Variants in SYT9 observed in about 807,000 individuals in gnomAD.
SYT9 encodes the protein synaptotagmin 9.
A neutral mutation model predicts 48.4 loss-of-function variants in SYT9; 22 were observed. The observed-to-expected ratio is 0.45, with a 90% CI of 0.32 to 0.65. SYT9 has a LOEUF of 0.65. Among genes scored for constraint, SYT9 ranks in the 30% least tolerant of loss-of-function variants. The pLI, the probability that SYT9 is intolerant of heterozygous loss-of-function variation, is 0.03. For missense variants in SYT9, 577 were observed against 622.0 expected (o/e 0.93, Z 0.77); for synonymous variants, 265 against 245.0 (o/e 1.08, Z -0.76).
chr11:7,400,383 C>G (rs904370969), intron 3 of SYT9, among the ~76,000 whole-genome samples: 1 of 152,144 alleles, frequency 6.6e-6, no homozygotes, highest in African/African-American at 2.4e-5. Flanking sequence ...AAAAAATATA[C>G]CTTCAGAGTC....
In SYT9 at chr11:7,466,881, A is replaced by G; in HGVS notation, c.*81A>G. 1.3e-6 allele frequency: 2 copies of G among 1,533,498 alleles called. No individual in the cohort carries two copies. Among genetic ancestry groups the G allele is most frequent in the Non-Finnish European group, 9.0e-7 (1 of 1,116,362 alleles). 95.0% of individuals were successfully genotyped at this position (1,533,498 alleles called of 1,614,324 possible). A position where few individuals can be genotyped will look rare whatever the true frequency, so the allele number is the denominator to read the frequency against. On this transcript the variant is annotated 3_prime_UTR_variant, in exon 7 of 7. Coordinates refer to ENST00000318881, the MANE Select transcript of SYT9 (RefSeq NM_175733.4). ...AGATCTTAAGTAACTTTTTCCATCC[A>G]GCAACATCCAGACGATTTCAGTGAC...
At chr11:7,391,590 T>C (rs1846611109) in intron 3 of SYT9, among the ~76,000 whole-genome samples, 2 of 151,844 alleles carry the variant, frequency 1.3e-5, no homozygotes, top group African/African-American at 2.4e-5. Context: ...AATGCTTATA[T>C]GTCTTATTTT....
chr11:7,372,842 C>G (rs114940615), intron 3 of SYT9, among the ~76,000 whole-genome samples: 2,831 of 152,158 alleles, frequency 0.019, 58 homozygotes, highest in African/African-American at 0.045. Flanking sequence ...ATGGCATAAG[C>G]TGGAACCTCC....
intron 3 of SYT9, among the ~76,000 whole-genome samples, chr11:7,369,023 G>C (rs1050591517): frequency 6.6e-6 from 1 of 152,150 alleles, no homozygotes; most frequent in African/African-American, 2.4e-5. Context: ...AGATCAAATG[G>C]TATTTGTGGT....
At chr11:7,337,255 A>G (rs1181403936) in intron 3 of SYT9, among the ~76,000 whole-genome samples, 2 of 152,076 alleles carry the variant, frequency 1.3e-5, no homozygotes, top group Admixed American at 6.6e-5. Context: ...GGCCAAAAAG[A>G]TGGATTTTTT....
At chr11:7,342,743 T>A (rs1039739173) in intron 3 of SYT9, among the ~76,000 whole-genome samples, 5 of 152,214 alleles carry the variant, frequency 3.3e-5, no homozygotes, top group African/African-American at 4.8e-5. Flanking sequence ...GTGGGGACTC[T>A]GTGTGGGGGC....
chr11:7,386,382 T>G (rs1032126208), intron 3 of SYT9, among the ~76,000 whole-genome samples: 1 of 151,864 alleles, frequency 6.6e-6, no homozygotes, highest in African/African-American at 2.4e-5. Flanking sequence ...GGGAGAAAAT[T>G]TTTGCAATCT....
At chr11:7,454,609 C>G (rs942971132) in intron 6 of SYT9, among the ~76,000 whole-genome samples, 5 of 152,226 alleles carry the variant, frequency 3.3e-5, no homozygotes, top group African/African-American at 4.8e-5. Flanking sequence ...ATAATTGTCT[C>G]TGCCAATAGG....
intron 3 of SYT9, among the ~76,000 whole-genome samples, chr11:7,340,535 C>A (rs1478003955): frequency 6.6e-6 from 1 of 152,162 alleles, no homozygotes; most frequent in Non-Finnish European, 1.5e-5. Flanking sequence ...AGTGGTCAGG[C>A]AGGAGCAGGG....
At chr11:7,264,435 A>C (rs1848137585) in intron 1 of SYT9, among the ~76,000 whole-genome samples, 1 of 152,148 alleles carries the variant, frequency 6.6e-6, no homozygotes, top group Admixed American at 6.6e-5. Context: ...GTGTATGAGA[A>C]CAAGGAAAGA....
At chr11:7,371,696 C>A (rs1850365664) in intron 3 of SYT9, among the ~76,000 whole-genome samples, 1 of 152,120 alleles carries the variant, frequency 6.6e-6, no homozygotes, top group Non-Finnish European at 1.5e-5. Flanking sequence ...TCAGTACCCC[C>A]AAAACAGCCA....
chr11:7,378,000 G>A (rs1850487245), intron 3 of SYT9, among the ~76,000 whole-genome samples: 1 of 151,892 alleles, frequency 6.6e-6, no homozygotes, highest in South Asian at 2.1e-4. Flanking sequence ...TCTCAGAGTG[G>A]CAAATATATC....
At chr11:7,404,214 G>A (rs1376291171) in intron 3 of SYT9, among the ~76,000 whole-genome samples, 1 of 152,054 alleles carries the variant, frequency 6.6e-6, no homozygotes, top group Non-Finnish European at 1.5e-5. Context: ...CTTGAAGGCA[G>A]CATATAATTG....
chr11:7,387,121 G>A (rs1269296768), intron 3 of SYT9, among the ~76,000 whole-genome samples: 1 of 152,112 alleles, frequency 6.6e-6, no homozygotes, highest in Non-Finnish European at 1.5e-5. Flanking sequence ...ACACAAGAAG[G>A]GGAACATCAC....
At chr11:7,341,323 C>A (rs945965807) in intron 3 of SYT9, among the ~76,000 whole-genome samples, 29 of 152,184 alleles carry the variant, frequency 1.9e-4, no homozygotes, top group Non-Finnish European at 3.7e-4. Context: ...TGTGTCCCCA[C>A]CTAAATCTCA....
intron 3 of SYT9, among the ~76,000 whole-genome samples, chr11:7,411,622 C>T (rs938775261): frequency 6.6e-6 from 1 of 152,084 alleles, no homozygotes; most frequent in Non-Finnish European, 1.5e-5. Context: ...TGACTAGACA[C>T]TTTTGTCTTG....
At chr11:7,464,577 A>G (rs1848296029) in intron 6 of SYT9, among the ~76,000 whole-genome samples, 1 of 152,202 alleles carries the variant, frequency 6.6e-6, no homozygotes, top group African/African-American at 2.4e-5. Flanking sequence ...AGTGCCTGGC[A>G]TACAATAAGT....
intron 3 of SYT9, among the ~76,000 whole-genome samples, chr11:7,344,962 A>ACACACACACT: frequency 7.0e-6 from 1 of 143,548 alleles, no homozygotes; most frequent in East Asian, 2.0e-4. Context: ...ACACACACAC[A>ACACACACACT]CTTGAATTTT....
chr11:7,462,995 A>C (rs907656610), intron 6 of SYT9, among the ~76,000 whole-genome samples: 1 of 152,228 alleles, frequency 6.6e-6, no homozygotes, highest in Non-Finnish European at 1.5e-5. Context: ...TTTGGTTTCA[A>C]TTCAATTTAA....
Sources: gnomAD v4.1 joint callset for allele counts (sites outside exome capture counted in the v4.1 genomes callset) on GRCh38, gnomAD v4.1.1 for gene constraint, MANE v1.5 for transcripts, NCBI Gene and HGNC (gene_info 2026-07-23, HGNC 2026-07-21) for gene names.